The following POU3F3 variants were observed in gnomAD, a reference collection of about 807,000 sequenced individuals.
POU3F3 encodes the protein POU domain, class 3, transcription factor 3.
POU3F3 carries 1 observed loss-of-function variant against 8.6 expected under a neutral mutation model. The ratio of observed to expected loss-of-function variants is 0.12; its 90% CI spans 0.04 to 0.55. The LOEUF (loss-of-function observed/expected upper bound fraction) is 0.55, where lower values mean the gene tolerates loss of function less well. POU3F3 is among the 20% of genes least tolerant of loss of function. The probability of loss-of-function intolerance (pLI) is 0.91; values close to 1 mark genes in which losing one functional copy is unlikely to be tolerated. For synonymous variants in POU3F3, 418 were observed against 327.4 expected (o/e 1.28, Z -2.99); for missense variants, 577 against 690.7 (o/e 0.84, Z 1.84).
At chr2:104,904,578 A>C in the POU3F3 span, among the ~76,000 whole-genome samples, 1 of 151,978 alleles carries the variant, frequency 6.6e-6, no homozygotes, top group African/African-American at 2.4e-5. Context: ...GTTTACTATA[A>C]ATGTTCCTTA....
chr2:104,882,649 TA>T, the POU3F3 span, among the ~76,000 whole-genome samples: 2 of 152,208 alleles, frequency 1.3e-5, no homozygotes, highest in Non-Finnish European at 2.9e-5. Context: ...ATACTGGAAT[TA>T]AAAGCTGTCC....
At chr2:104,892,195 A>G in the POU3F3 span, among the ~76,000 whole-genome samples, 1 of 152,112 alleles carries the variant, frequency 6.6e-6, no homozygotes, top group Non-Finnish European at 1.5e-5. Flanking sequence ...AGTGAGGCAT[A>G]CTTTCTAACT....
chr2:104,874,932 A>G, the POU3F3 span, among the ~76,000 whole-genome samples: 1 of 152,224 alleles, frequency 6.6e-6, no homozygotes, highest in Non-Finnish European at 1.5e-5. Context: ...ATCCATCTCC[A>G]GAAGTTTTTT....
At chr2:104,872,647 C>G in the POU3F3 span, 32 of 259,610 alleles carry the variant, frequency 1.2e-4, no homozygotes, top group Admixed American at 2.2e-4. This position sits in a 1 kb window ranked among gnomAD's most constrained non-coding sequence, Gnocchi z 4.6. Flanking sequence ...GGCTCCCCTC[C>G]GCCCCGCCGG....
At chr2:104,918,796 C>T in the POU3F3 span, among the ~76,000 whole-genome samples, 1 of 151,820 alleles carries the variant, frequency 6.6e-6, no homozygotes, top group Non-Finnish European at 1.5e-5. Flanking sequence ...TAGGCTAATA[C>T]ATAGAGTAAT....
the POU3F3 span, among the ~76,000 whole-genome samples, chr2:104,915,542 T>G: frequency 6.6e-6 from 1 of 152,116 alleles, no homozygotes; most frequent in Admixed American, 6.5e-5. Flanking sequence ...CACTCTGTCT[T>G]GCACTCTGAA....
At chr2:104,887,916 A>G in the POU3F3 span, among the ~76,000 whole-genome samples, 14 of 152,376 alleles carry the variant, frequency 9.2e-5, no homozygotes, top group African/African-American at 3.4e-4. Context: ...AAGAAGTGCA[A>G]CCTTTTATTC....
the POU3F3 span, among the ~76,000 whole-genome samples, chr2:104,868,548 G>C: frequency 2.6e-5 from 4 of 152,164 alleles, no homozygotes; most frequent in Non-Finnish European, 5.9e-5. Context: ...AAGCCTCCCA[G>C]AGCCCAGGTC....
chr2:104,889,590 T>A, the POU3F3 span, among the ~76,000 whole-genome samples: 1 of 152,340 alleles, frequency 6.6e-6, no homozygotes, highest in East Asian at 1.9e-4. Flanking sequence ...GTCCCGGAGC[T>A]GGCCAGCACC....
At chr2:104,869,043 G>T in the POU3F3 span, among the ~76,000 whole-genome samples, 24 of 152,156 alleles carry the variant, frequency 1.6e-4, no homozygotes, top group Admixed American at 3.9e-4. Flanking sequence ...GGATGGTGGT[G>T]GTATTACCTT....
At chr2:104,913,975 G>A in the POU3F3 span, among the ~76,000 whole-genome samples, 1 of 152,196 alleles carries the variant, frequency 6.6e-6, no homozygotes, top group Non-Finnish European at 1.5e-5. Context: ...GAAACCCCTG[G>A]AAGATACAGA....
At chr2:104,905,439 TTAA>T in the POU3F3 span, among the ~76,000 whole-genome samples, 1 of 152,240 alleles carries the variant, frequency 6.6e-6, no homozygotes, top group African/African-American at 2.4e-5. Flanking sequence ...TACATATGTA[TTAA>T]TATGTAACTG....
At chr2:104,872,481 C>T in the POU3F3 span, 5 of 392,764 alleles carry the variant, frequency 1.3e-5, no homozygotes, top group Non-Finnish European at 2.6e-5. This position sits in a 1 kb window ranked among gnomAD's most constrained non-coding sequence, Gnocchi z 4.6. Flanking sequence ...GCCCGTTCGC[C>T]CCGAGCCTCC....
rs1346560199 is a variant in POU3F3, at chr2:104,857,323, C to T, written c.*310C>T. The T allele has an allele frequency of 1.3e-5, 2 of 156,310 alleles. No homozygotes were observed. Among genetic ancestry groups the T allele is most frequent in the African/African-American group, 4.8e-5 (2 of 41,462 alleles). The allele number at this position is 156,310 out of a possible 1,614,324, so 9.7% of individuals were successfully genotyped here. A position where few individuals can be genotyped will look rare whatever the true frequency, so the allele number is the denominator to read the frequency against. On this transcript the variant is annotated 3_prime_UTR_variant, in exon 1 of 1. Transcript: ENST00000361360. ...ATAAACACCCAGACTGTTTTGTATACATATATAACAAACAAAACCGGAAGA... is the reference window on the plus strand; with the variant it reads ...ATAAACACCCAGACTGTTTTGTATATATATATAACAAACAAAACCGGAAGA...
the POU3F3 span, chr2:104,865,984 A>G: frequency 6.6e-6 from 1 of 152,202 alleles, no homozygotes. Flanking sequence ...ACATCTACAA[A>G]CTATTTTAAA....
chr2:104,923,346 A>G, the POU3F3 span, among the ~76,000 whole-genome samples: 1 of 152,242 alleles, frequency 6.6e-6, no homozygotes, highest in African/African-American at 2.4e-5. Flanking sequence ...GGTTTTGGCC[A>G]TGCAATATTT....
chr2:104,914,392 A>T, the POU3F3 span, among the ~76,000 whole-genome samples: 6 of 152,258 alleles, frequency 3.9e-5, no homozygotes, highest in South Asian at 1.2e-3. Context: ...TTGATTTAGG[A>T]TAGGAGCTGA....
At chr2:104,882,967 A>G in the POU3F3 span, among the ~76,000 whole-genome samples, 1 of 152,218 alleles carries the variant, frequency 6.6e-6, no homozygotes, top group Admixed American at 6.5e-5. Context: ...TAAGAGGAAT[A>G]TTGAATATGA....
chr2:104,915,896 G>T, the POU3F3 span, among the ~76,000 whole-genome samples: 1 of 151,864 alleles, frequency 6.6e-6, no homozygotes, highest in Non-Finnish European at 1.5e-5. Context: ...GATGCTAATT[G>T]CCATTCCTAG....
Sources: allele counts gnomAD v4.1 joint callset (sites outside exome capture counted in the v4.1 genomes callset), GRCh38; gene constraint gnomAD v4.1.1; non-coding constraint Gnocchi (gnomAD v3.1); transcripts MANE v1.5; gene names NCBI Gene and HGNC (gene_info 2026-07-23, HGNC 2026-07-21).